Variants in USH2A observed in about 807,000 individuals in gnomAD.
USH2A encodes usherin, also known as Usher syndrome 2A (autosomal recessive, mild).
Under a neutral mutation model 538.9 loss-of-function variants are expected in USH2A, and 443 were observed. The ratio of observed to expected loss-of-function variants is 0.82; its 90% CI spans 0.76 to 0.89. USH2A has a LOEUF of 0.89. Ranked by LOEUF, USH2A falls within the 40% of genes least tolerant of loss-of-function variation. The pLI, the probability that USH2A is intolerant of heterozygous loss-of-function variation, is 0.00. For synonymous variants in USH2A, 2,413 were observed against 2,273.5 expected, an observed-to-expected ratio of 1.06 and a Z score of -1.75; for missense variants, 6,633 against 6,324.8, an observed-to-expected ratio of 1.05 and a Z score of -1.65.
Position 216,199,638 on chromosome 1 carries a change from G to A in USH2A, c.3800C>T (p.Ala1267Val), listed in dbSNP as rs768141777. The change falls in exon 17 of 72, where the codon GCG (alanine) becomes GTG (valine). Residue 1267 changes from alanine to valine, a missense_variant. Ala to Val is a moderately conservative substitution (Grantham distance 64). Transcript: ENST00000307340. The part of the protein sequence containing the change: ...TELHVEWSPP[A>V]ELNGIIIRYE... ...CCTTGGATTCTTACCATTTAGTTCCGCTGGTGGAGACCATTCTACATGAAG... is the reference window on the plus strand; with the variant it reads ...CCTTGGATTCTTACCATTTAGTTCCACTGGTGGAGACCATTCTACATGAAG... 2.9e-5 allele frequency: 47 copies of A among 1,613,846 alleles called. No homozygotes were observed. In the Admixed American group the frequency reaches 5.8e-4, roughly 20 times the overall value.
chr1:215,841,044 A>T (rs955718588), intron 46 of USH2A, among the ~76,000 whole-genome samples: 1 of 152,220 alleles, frequency 6.6e-6, no homozygotes, highest in Non-Finnish European at 1.5e-5. Flanking sequence ...TAAGAAAATC[A>T]GAGAGGACAC....
At chr1:216,050,830 C>T (rs1180541783) in intron 30 of USH2A, among the ~76,000 whole-genome samples, 3 of 151,674 alleles carry the variant, frequency 2.0e-5, no homozygotes, top group Non-Finnish European at 4.4e-5. Context: ...TGGTCTCGAT[C>T]TCCTGACCTC....
rs77265464 is a variant in USH2A at position 216,050,095 on chromosome 1, C to T, written c.6050-1448G>A. 4.2e-3 allele frequency among the ~76,000 whole-genome samples: 633 copies of T among 152,326 alleles called. 3 individuals are homozygous for T. Among genetic ancestry groups the T allele is most frequent in the South Asian group, 0.028 (135 of 4,826 alleles). On this transcript the variant is annotated intron_variant, in intron 30 of 71. Coordinates refer to ENST00000307340, the MANE Select transcript of USH2A (RefSeq NM_206933.4). ...CCTGTTAAATCTCCCAGATCATGAC[C>T]TACGTTCTGAGTTTACTTTCTTTTA...
At chr1:216,173,939 T>TC (rs1220630770) in intron 21 of USH2A, 1 of 977,096 alleles carries the variant, frequency 1.0e-6, no homozygotes, top group African/African-American at 1.8e-5. Flanking sequence ...ACCTTTTTTT[T>TC]CTTTTCTTTT....
intron 21 of USH2A, among the ~76,000 whole-genome samples, chr1:216,147,533 T>C (rs1414724387): frequency 9.2e-5 from 14 of 152,162 alleles, no homozygotes; most frequent in Non-Finnish European, 1.8e-4. Flanking sequence ...TTTACAGCCC[T>C]AGACCCTAAA....
chr1:215,900,203 G>A lies in USH2A; in HGVS notation c.7466C>T (p.Pro2489Leu). The change falls in exon 40 of 72, where the codon CCT becomes CTT. Residue 2489 changes from proline (P) to leucine (L), a missense_variant. Pro to Leu is a moderately conservative substitution (Grantham distance 98, BLOSUM62 -3). Coordinates refer to ENST00000307340, the MANE Select transcript of USH2A (RefSeq NM_206933.4). ...CACTTCATAGCTTAACGATGCAGAA[G>A]GATTGGAAAATAACCTGTATGGGAA... ...THGFLELFSN[P>L]SASLSYEVSD... The A allele has an allele frequency of 3.1e-6, 5 of 1,613,476 alleles. No homozygotes were observed. The highest frequency in any genetic ancestry group is 4.2e-6 in the Non-Finnish European group (5 of 1,179,700).
At chr1:216,014,980 T>C (rs73092689) in intron 32 of USH2A, among the ~76,000 whole-genome samples, 2,225 of 152,284 alleles carry the variant, frequency 0.015, 45 homozygotes, top group African/African-American at 0.051. Context: ...CATCAGAAAA[T>C]TACATAGCAC....
rs114059762 is a variant in USH2A, at chr1:216,093,764, A to C, written c.4758+3319T>G. ...AATCTGTGATGAACAACCAATGGCC[A>C]GAATTCCAATGAGTGTCATTCTGTT... On this transcript the variant is annotated intron_variant, in intron 22 of 71. Coordinates refer to ENST00000307340, the MANE Select transcript of USH2A (RefSeq NM_206933.4). 3.9e-3 allele frequency among the ~76,000 whole-genome samples: 592 copies of C among 152,364 alleles called. 3 individuals carry two copies. Among genetic ancestry groups the C allele is most frequent in the African/African-American group, 0.014 (569 of 41,584 alleles).
intron 49 of USH2A, 112 bp downstream of exon 49, chr1:215,813,624 T>C (rs1662766150): frequency 2.3e-6 from 3 of 1,315,610 alleles, no homozygotes; most frequent in South Asian, 1.2e-5. Context: ...TATGTGTTTA[T>C]GGTTCAATTT....
chr1:215,776,371 C>G (rs1206783368), intron 55 of USH2A, among the ~76,000 whole-genome samples: 1 of 152,140 alleles, frequency 6.6e-6, no homozygotes, highest in African/African-American at 2.4e-5. Context: ...TCTTCAATTA[C>G]TTAATGCTTT....
At chr1:216,261,449 CA>C (rs200708104) in intron 11 of USH2A, among the ~76,000 whole-genome samples, 1,611 of 81,306 alleles carry the variant, frequency 0.02, 20 homozygotes, top group African/African-American at 0.055. Context: ...ATTCTATATC[CA>C]AAAAAAAAAA....
At chr1:215,658,774 A>C (rs536134252) in intron 64 of USH2A, among the ~76,000 whole-genome samples, 95 of 152,380 alleles carry the variant, frequency 6.2e-4, no homozygotes, top group African/African-American at 2.3e-3. Context: ...AGTACTACTC[A>C]TATATTTCAT....
Position 215,675,326 on chromosome 1 carries a change from G to A in USH2A, c.12585C>T (p.Phe4195=), listed in dbSNP as rs763205825. 38 of 1,613,884 alleles carry A rather than the reference G, an allele frequency of 2.4e-5. No individual in the cohort carries two copies. The highest frequency in any genetic ancestry group is 1.6e-4 in the Middle Eastern group (1 of 6,084). Residue 4195 remains phenylalanine, a synonymous_variant, in exon 63 of 72, where the codon TTC becomes TTT. Coordinates refer to ENST00000307340, the MANE Select transcript of USH2A (RefSeq NM_206933.4). The part of the protein sequence containing the change: ...IIRYEVIRRC[F]EGKAWGNQTI... Reference sequence around the variant, plus strand: ...TCTGATTTCCCCAAGCTTTTCCCTCGAAGCATCTGCGAATCACTTCATAGC... The same window carrying A: ...TCTGATTTCCCCAAGCTTTTCCCTCAAAGCATCTGCGAATCACTTCATAGC...
chr1:216,165,407 A>G (rs1357308675), intron 21 of USH2A, among the ~76,000 whole-genome samples: 1 of 152,172 alleles, frequency 6.6e-6, no homozygotes, highest in Non-Finnish European at 1.5e-5. Context: ...TCTAGCTATA[A>G]CAACTGGTGT....
chr1:215,842,687 A>C (rs1663716069), intron 46 of USH2A, among the ~76,000 whole-genome samples: 1 of 148,456 alleles, frequency 6.7e-6, no homozygotes, highest in Middle Eastern at 3.3e-3. Context: ...AAGCCATTTT[A>C]TCCTCAGCAA....
chr1:215,866,742 G>A (rs1042512752), intron 44 of USH2A, among the ~76,000 whole-genome samples: 12 of 152,168 alleles, frequency 7.9e-5, no homozygotes, highest in African/African-American at 2.9e-4. Flanking sequence ...CAATGTCAAA[G>A]TAGGAGAGAG....
At chr1:215,893,594 GATA>G (rs1201326540) in intron 40 of USH2A, among the ~76,000 whole-genome samples, 3 of 152,080 alleles carry the variant, frequency 2.0e-5, no homozygotes, top group African/African-American at 7.2e-5. Flanking sequence ...TTTAAGTAGT[GATA>G]ATAAGGCAGC....
chr1:215,651,761 T>C (rs1454755427), intron 64 of USH2A, among the ~76,000 whole-genome samples: 1 of 152,112 alleles, frequency 6.6e-6, no homozygotes, highest in Non-Finnish European at 1.5e-5. Flanking sequence ...GAGAGTTTAG[T>C]TTCATTTTTG....
intron 58 of USH2A, among the ~76,000 whole-genome samples, chr1:215,757,469 T>C (rs1278839985): frequency 6.6e-6 from 1 of 152,220 alleles, no homozygotes; most frequent in Non-Finnish European, 1.5e-5. Flanking sequence ...ATGGCTCAAA[T>C]GGCTGTTAAC....
Sources: allele counts gnomAD v4.1 joint callset (sites outside exome capture counted in the v4.1 genomes callset), GRCh38; gene constraint gnomAD v4.1.1; transcripts MANE v1.5; gene names NCBI Gene and HGNC (gene_info 2026-07-23, HGNC 2026-07-21).